The following NAALADL2 variants were observed in gnomAD, a reference collection of about 807,000 sequenced individuals.
NAALADL2 encodes the protein N-acetylated alpha-linked acidic dipeptidase like 2, also known as inactive N-acetylated-alpha-linked acidic dipeptidase-like protein 2.
A neutral mutation model predicts 87.2 loss-of-function variants in NAALADL2; 76 were observed. The ratio of observed to expected loss-of-function variants is 0.87; its 90% CI spans 0.72 to 1.05. The LOEUF (loss-of-function observed/expected upper bound fraction) is 1.05, where lower values mean the gene tolerates loss of function less well. Ranked by LOEUF, NAALADL2 falls within the 50% of genes least tolerant of loss-of-function variation. NAALADL2 has a pLI of 0.00. For synonymous variants in NAALADL2, 354 were observed against 331.0 expected (o/e 1.07, Z -0.75); for missense variants, 1,089 against 945.8 (o/e 1.15, Z -1.99).
intron 13 of NAALADL2, among the ~76,000 whole-genome samples, chr3:175,759,981 G>A (rs1331458725): frequency 6.6e-6 from 1 of 152,076 alleles, no homozygotes; most frequent in East Asian, 1.9e-4. Context: ...CTCCTGAGAG[G>A]GTGCACTGGA....
At chr3:174,631,561 G>A (rs1054704642) in intron 2 of NAALADL2, among the ~76,000 whole-genome samples, 1 of 152,162 alleles carries the variant, frequency 6.6e-6, no homozygotes, top group African/African-American at 2.4e-5. Context: ...GGGTATATGT[G>A]TTGGTGTAAT....
intron 5 of NAALADL2, among the ~76,000 whole-genome samples, chr3:175,432,478 A>T (rs1717927375): frequency 6.6e-6 from 1 of 152,052 alleles, no homozygotes; most frequent in Admixed American, 6.6e-5. Flanking sequence ...TATAAAACCC[A>T]CCATAATAAA....
At chr3:175,106,396 G>C (rs1445154521) in intron 2 of NAALADL2, among the ~76,000 whole-genome samples, 2 of 151,968 alleles carry the variant, frequency 1.3e-5, no homozygotes, top group Non-Finnish European at 2.9e-5. Flanking sequence ...TGCCTATTCT[G>C]AAAATTGATC....
chr3:175,268,390 A>T (rs1347572167), intron 4 of NAALADL2, among the ~76,000 whole-genome samples: 5 of 152,174 alleles, frequency 3.3e-5, no homozygotes, highest in African/African-American at 1.2e-4. Context: ...AGCTTGCAGG[A>T]CTGGAAGTTG....
At chr3:174,986,482 T>C (rs1004149537) in intron 1 of NAALADL2, among the ~76,000 whole-genome samples, 2 of 151,916 alleles carry the variant, frequency 1.3e-5, no homozygotes, top group African/African-American at 4.8e-5. Flanking sequence ...CATAGTATTA[T>C]TTCTCATTAG....
intron 2 of NAALADL2, among the ~76,000 whole-genome samples, chr3:175,138,923 T>TA (rs1560079653): frequency 7.0e-6 from 1 of 141,900 alleles, no homozygotes; most frequent in African/African-American, 2.6e-5. Flanking sequence ...TATATATATA[T>TA]ATGATAGTGA....
At chr3:174,901,246 G>T (rs970150685) in intron 1 of NAALADL2, among the ~76,000 whole-genome samples, 1 of 152,094 alleles carries the variant, frequency 6.6e-6, no homozygotes, top group Non-Finnish European at 1.5e-5. Flanking sequence ...AAGGAATGTA[G>T]TTTTAGCTGA....
chr3:175,407,500 T>A (rs1712628601), intron 5 of NAALADL2, among the ~76,000 whole-genome samples: 1 of 152,214 alleles, frequency 6.6e-6, no homozygotes, highest in Non-Finnish European at 1.5e-5. Flanking sequence ...TGTATTACCT[T>A]CATGATGTTT....
chr3:174,550,871 A>C (rs1712035803), intron 2 of NAALADL2: 1 of 152,188 alleles, frequency 6.6e-6, no homozygotes, highest in Middle Eastern at 3.4e-3. Flanking sequence ...ATAATCATAA[A>C]ATGTATGTGA....
intron 2 of NAALADL2, among the ~76,000 whole-genome samples, chr3:174,718,054 G>A (rs1027663762): frequency 1.8e-4 from 27 of 152,108 alleles, no homozygotes; most frequent in African/African-American, 6.5e-4. Flanking sequence ...GCTTGAACTG[G>A]GGAGGTGGAG....
At chr3:174,752,038 C>T (rs1331764300) in intron 3 of NAALADL2, among the ~76,000 whole-genome samples, 1 of 151,832 alleles carries the variant, frequency 6.6e-6, no homozygotes, top group Non-Finnish European at 1.5e-5. Flanking sequence ...AGTGCAGTGG[C>T]GTGATCTCGG....
intron 2 of NAALADL2, among the ~76,000 whole-genome samples, chr3:174,627,962 G>A (rs75375205): frequency 0.016 from 2,422 of 152,238 alleles, 63 homozygotes; most frequent in African/African-American, 0.054. Context: ...ACGGGAGTGA[G>A]GGATGTAATA....
At chr3:175,461,193 C>T (rs1292455967) in intron 6 of NAALADL2, among the ~76,000 whole-genome samples, 1 of 151,902 alleles carries the variant, frequency 6.6e-6, no homozygotes, top group Non-Finnish European at 1.5e-5. Context: ...CTGATTGGTG[C>T]ATTTTTACAG....
At chr3:174,696,593 T>TAAAAAAAAAAAAAAAAAAAAAAAAAA (rs62946360) in intron 2 of NAALADL2, among the ~76,000 whole-genome samples, 1 of 110,524 alleles carries the variant, frequency 9.0e-6, no homozygotes, top group Non-Finnish European at 1.8e-5. Context: ...TGTAGTTATC[T>TAAAAAAAAAAAAAAAAAAAAAAAAAA]AAAAAAAAAA....
chr3:175,600,267 C>G (rs956775472), intron 10 of NAALADL2, among the ~76,000 whole-genome samples: 5 of 151,812 alleles, frequency 3.3e-5, no homozygotes, highest in Non-Finnish European at 7.4e-5. Context: ...TCAAGACACT[C>G]ATTTTTAAAT....
intron 1 of NAALADL2, among the ~76,000 whole-genome samples, chr3:174,472,194 C>T (rs1033311945): frequency 1.3e-5 from 2 of 152,178 alleles, no homozygotes; most frequent in African/African-American, 4.8e-5. Context: ...CAGACATGTA[C>T]ACTTTCTTTC....
At chr3:174,952,495 A>G (rs1429585203) in intron 1 of NAALADL2, among the ~76,000 whole-genome samples, 1 of 152,112 alleles carries the variant, frequency 6.6e-6, no homozygotes, top group Admixed American at 6.6e-5. Flanking sequence ...TTGGTCCTAA[A>G]TATTGAGTTC....
In NAALADL2 at chr3:175,447,221, G is replaced by T. The variant is rs1461664391; in HGVS notation, c.1091-8G>T. On this transcript the variant is annotated splice_region_variant and splice_polypyrimidine_tract_variant and intron_variant, in intron 5 of 13. Transcript: ENST00000454872. ...TAAGGATTATCTTCCTTTGTCTTTT[G>T]AATACAGATGAAAGTTTTAGACAAA... 6.4e-7 allele frequency: 1 copy of T among 1,561,352 alleles called. No homozygotes were observed. Among genetic ancestry groups the T allele is most frequent in the Non-Finnish European group, 8.6e-7 (1 of 1,157,054 alleles).
At chr3:175,723,653 C>T (rs925682004) in intron 11 of NAALADL2, among the ~76,000 whole-genome samples, 1 of 152,116 alleles carries the variant, frequency 6.6e-6, no homozygotes, top group African/African-American at 2.4e-5. Context: ...TTATTCAAGA[C>T]ATTCCAATAT....
Sources: gnomAD v4.1 joint callset for allele counts (sites outside exome capture counted in the v4.1 genomes callset) on GRCh38, gnomAD v4.1.1 for gene constraint, MANE v1.5 for transcripts, NCBI Gene and HGNC (gene_info 2026-07-23, HGNC 2026-07-21) for gene names.